Variants in CEP162 observed in about 807,000 individuals in gnomAD.
CEP162 encodes centrosomal protein 162.
In CEP162, 141 loss-of-function variants were observed where a neutral mutation model predicts 169.2. The observed-to-expected ratio is 0.83, with a 90% CI of 0.73 to 0.96. CEP162 has a LOEUF of 0.96. CEP162 is among the 40% of genes least tolerant of loss of function. The pLI is 0.00. For synonymous variants in CEP162, 540 were observed against 526.4 expected (o/e 1.03, Z -0.35); for missense variants, 1,600 against 1,587.2 (o/e 1.01, Z -0.14).
chr6:84,174,506 C>CTTCT (rs1259441674), intron 15 of CEP162, among the ~76,000 whole-genome samples: 7 of 152,010 alleles, frequency 4.6e-5, no homozygotes, highest in Non-Finnish European at 1.0e-4. Context: ...CAGAAGAAAA[C>CTTCT]CATAAAAATG....
intron 23 of CEP162, among the ~76,000 whole-genome samples, chr6:84,150,231 A>T (rs569392885): frequency 1.3e-5 from 2 of 151,964 alleles, no homozygotes; most frequent in Admixed American, 1.3e-4. Flanking sequence ...AATTAATTGG[A>T]CTGTAAGTGT....
chr6:84,196,665 G>GGTTA (rs1398330186), intron 9 of CEP162, among the ~76,000 whole-genome samples: 2 of 151,984 alleles, frequency 1.3e-5, no homozygotes, highest in Non-Finnish European at 2.9e-5. Context: ...TCATACCCAT[G>GGTTA]GTTAATTAAC....
rs568075820 is a variant in CEP162, at chr6:84,215,562, A to T, written c.320-97T>A. On this transcript the variant is annotated intron_variant, in intron 4 of 26. Coordinates refer to ENST00000403245, the MANE Select transcript of CEP162 (RefSeq NM_014895.4). ...ATTGACATTATGTAGTAAATTTTAA[A>T]AATTTTACAAATATTTACTCTCACT... The T allele has an allele frequency of 4.3e-4, 520 of 1,208,366 alleles. 8 individuals are homozygous for T. The South Asian group carries it at 7.9e-3, about 18-fold the overall frequency. The allele number at this position is 1,208,366 out of a possible 1,614,324, so 74.9% of individuals were successfully genotyped here. A position where few individuals can be genotyped will look rare whatever the true frequency, so the allele number is the denominator to read the frequency against.
intron 10 of CEP162, among the ~76,000 whole-genome samples, 161 bp from the exon 11 acceptor site, chr6:84,193,851 T>A (rs2099540939): frequency 6.6e-6 from 1 of 152,210 alleles, no homozygotes. Flanking sequence ...CCAGGAAAAC[T>A]TCCTTTCTTA....
intron 2 of CEP162, among the ~76,000 whole-genome samples, chr6:84,225,378 C>G (rs78324902): frequency 0.043 from 6,476 of 152,200 alleles, 435 homozygotes; most frequent in African/African-American, 0.15. Context: ...GCAAGCATTT[C>G]TGTATCTAAA....
At chr6:84,202,535 T>C (rs1241443993) in intron 7 of CEP162, among the ~76,000 whole-genome samples, 3 of 132,224 alleles carry the variant, frequency 2.3e-5, no homozygotes, top group Non-Finnish European at 4.9e-5. Context: ...TTTTTTTTTT[T>C]TTTTTTTTTT....
At chr6:84,214,887 A>C (rs1244677807) in intron 5 of CEP162, among the ~76,000 whole-genome samples, 1 of 152,180 alleles carries the variant, frequency 6.6e-6, no homozygotes, top group Admixed American at 6.5e-5. Flanking sequence ...AGAGGTTAAG[A>C]CACAGATCAA....
intron 25 of CEP162, among the ~76,000 whole-genome samples, chr6:84,132,498 G>T (rs2099512015): frequency 6.6e-6 from 1 of 152,114 alleles, no homozygotes; most frequent in African/African-American, 2.4e-5. Context: ...CATAGATTTG[G>T]TCTTTTCACA....
chr6:84,174,110 T>G lies in CEP162; in HGVS notation c.2104A>C (p.Lys702Gln). The change falls in exon 16 of 27, where the codon AAG becomes CAG. Residue 702 changes from lysine (K) to glutamine (Q), a missense_variant. By Grantham distance (53) the Lys-to-Gln change is moderately conservative. Coordinates refer to ENST00000403245, the MANE Select transcript of CEP162 (RefSeq NM_014895.4). ...GEAADPVTGE[K>Q]LKQIQKEIQE... ...ATTTCTTTTTGGATTTGCTTCAACT[T>G]TTCTCCAGTGACAGGATCAGCTGCT... The G allele has an allele frequency of 6.2e-7, 1 of 1,611,920 alleles. No individual in the cohort carries two copies. The highest frequency in any genetic ancestry group is 8.5e-7 in the Non-Finnish European group (1 of 1,178,606).
At chr6:84,215,657 G>C in intron 4 of CEP162, 119 bp downstream of exon 4, 1 of 1,342,912 alleles carries the variant, frequency 7.4e-7, no homozygotes, top group Non-Finnish European at 1.0e-6. Context: ...TAAACCTCTA[G>C]GAAGATATTA....
chr6:84,148,451 C>T (rs1260389610), intron 24 of CEP162, among the ~76,000 whole-genome samples: 1 of 152,084 alleles, frequency 6.6e-6, no homozygotes, highest in Non-Finnish European at 1.5e-5. Context: ...ATCGCTTGAA[C>T]CTGGGAGGCA....
chr6:84,149,391 T>C (rs2099520280), intron 24 of CEP162, among the ~76,000 whole-genome samples, 171 bp downstream of exon 24: 1 of 151,942 alleles, frequency 6.6e-6, no homozygotes, highest in South Asian at 2.1e-4. Context: ...AAAAATTAAA[T>C]ATATAGTATT....
chr6:84,189,425 T>C (rs975301066), intron 11 of CEP162, among the ~76,000 whole-genome samples: 2 of 152,126 alleles, frequency 1.3e-5, no homozygotes. Flanking sequence ...CAGCTGGAGT[T>C]CCGGGTGGGC....
intron 16 of CEP162, among the ~76,000 whole-genome samples, chr6:84,172,979 A>C (rs1362732449): frequency 6.6e-6 from 1 of 152,214 alleles, no homozygotes; most frequent in Non-Finnish European, 1.5e-5. Flanking sequence ...ATGTCATTAC[A>C]CATTGCAAAC....
chr6:84,137,250 C>A (rs1200756716), intron 25 of CEP162, among the ~76,000 whole-genome samples: 2 of 152,202 alleles, frequency 1.3e-5, no homozygotes, highest in Non-Finnish European at 2.9e-5. Context: ...TGGCCTGTAT[C>A]CAGCATGCCA....
intron 23 of CEP162, 131 bp from the exon 24 acceptor site, chr6:84,149,834 T>C: frequency 1.6e-6 from 1 of 613,228 alleles, no homozygotes; most frequent in Non-Finnish European, 2.6e-6. Flanking sequence ...TTAACTGCAC[T>C]GTGTTAGGTG....
In CEP162 at chr6:84,133,566, G is replaced by A. The variant is rs57955053; in HGVS notation, c.3871-7054C>T. On this transcript the variant is annotated intron_variant, in intron 25 of 26. Transcript: ENST00000403245. ...TACCTACTCAAGCCTCAGCAACGGC[G>A]GATGCCCCTCCCCCAGCCTTGCTGC... is the stretch of plus-strand genomic sequence containing the variant. Among the ~76,000 whole-genome samples, 989 of 152,240 alleles carry A rather than the reference G, an allele frequency of 6.5e-3. 3 individuals carry two copies. Among genetic ancestry groups the A allele is most frequent in the African/African-American group, 0.022 (925 of 41,548 alleles).
intron 15 of CEP162, 111 bp from the exon 16 acceptor site, chr6:84,174,299 G>C: frequency 1.2e-6 from 1 of 854,912 alleles, no homozygotes; most frequent in Non-Finnish European, 1.8e-6. Flanking sequence ...TTATAATATT[G>C]AACATATTAG....
At position 84,149,624 on chromosome 6, in the gene CEP162, T is replaced by C. The variant is rs749582693; in HGVS notation, c.3709A>G (p.Asn1237Asp). 1.2e-6 allele frequency: 2 copies of C among 1,606,174 alleles called. No individual in the cohort carries two copies. Among genetic ancestry groups the C allele is most frequent in the Non-Finnish European group, 1.7e-6 (2 of 1,175,748 alleles). ...TTGGAAGAAGAATTTTCTACTGCAT[T>C]TTGGCAAAGGAGTTTCTCTATTTCT... is the stretch of plus-strand genomic sequence containing the variant. ...QREIEKLLCQ[N>D]AVENSSSKVA... Residue 1237 changes from asparagine (N) to aspartate (D), a missense_variant, in exon 24 of 27, where the codon AAT becomes GAT. Transcript: ENST00000403245.
Sources: gnomAD v4.1 joint callset for allele counts (sites outside exome capture counted in the v4.1 genomes callset) on GRCh38, gnomAD v4.1.1 for gene constraint, MANE v1.5 for transcripts, NCBI Gene and HGNC (gene_info 2026-07-23, HGNC 2026-07-21) for gene names.